Variants in RGL3 observed in about 807,000 individuals in gnomAD.
RGL3 encodes ral guanine nucleotide dissociation stimulator-like 3.
In RGL3, 85 loss-of-function variants were observed where a neutral mutation model predicts 90.6. That is an observed-to-expected ratio of 0.94 (90% confidence interval 0.79 to 1.12). The LOEUF is 1.12. Among genes scored for constraint, RGL3 ranks in the 50% most tolerant of loss-of-function variants. RGL3 has a pLI of 0.00. For missense variants in RGL3, 1,034 were observed against 939.2 expected (o/e 1.10, Z -1.32); for synonymous variants, 408 against 385.5 (o/e 1.06, Z -0.68).
Position 11,406,541 on chromosome 19 carries a change from G to A in RGL3, c.874C>T (p.Arg292Cys), listed in dbSNP as rs1305970804. The stretch of plus-strand genomic sequence containing the variant: ...GTGTTGAACTGGGCCACGGTGGCGC[G>A]CACAGTGGGGGAGGCGCCTGCAGCC... ...PGAAGASPTV[R>C]ATVAQFNTVT... Residue 292 changes from arginine to cysteine, a missense_variant, in exon 7 of 19, where the codon CGC becomes TGC. Coordinates refer to ENST00000380456, the MANE Select transcript of RGL3 (RefSeq NM_001035223.4). 2 of 1,549,826 alleles carry A rather than the reference G, an allele frequency of 1.3e-6. No homozygotes were observed. Among genetic ancestry groups the A allele is most frequent in the East Asian group, 2.4e-5 (1 of 41,192 alleles).
At chr19:11,406,301 A>G (rs1181963533) in intron 7 of RGL3, 118 bp downstream of exon 7, 14 of 1,058,078 alleles carry the variant, frequency 1.3e-5, no homozygotes, top group Non-Finnish European at 1.9e-5. Context: ...CTAGGTATCA[A>G]CTTTCCACCC....
chr19:11,418,455 T>A (rs1969041266), intron 2 of RGL3: 1 of 579,156 alleles, frequency 1.7e-6, no homozygotes, highest in Admixed American at 3.1e-5. Flanking sequence ...TCTCGGGAAC[T>A]GCGCGGCCAT....
chr19:11,414,614 C>T (rs999776151), intron 5 of RGL3, among the ~76,000 whole-genome samples: 4 of 145,876 alleles, frequency 2.7e-5, no homozygotes, highest in African/African-American at 1.0e-4. Flanking sequence ...AGGAAGGTGG[C>T]CACTATAATC....
chr19:11,413,807 G>A (rs1300953953), intron 5 of RGL3, among the ~76,000 whole-genome samples: 1 of 146,748 alleles, frequency 6.8e-6, no homozygotes, highest in South Asian at 2.1e-4. Context: ...TCAGTGGCTT[G>A]ATCTCAGCTC....
At chr19:11,402,791 C>T (rs1599433182) in intron 9 of RGL3, 85 bp from the exon 10 acceptor site, 1 of 1,163,346 alleles carries the variant, frequency 8.6e-7, no homozygotes, top group East Asian at 2.4e-5. Flanking sequence ...ATCATATATA[C>T]CCTTCATGCT....
intron 9 of RGL3, among the ~76,000 whole-genome samples, chr19:11,403,904 T>C (rs911089698): frequency 1.1e-4 from 17 of 152,142 alleles, no homozygotes; most frequent in African/African-American, 4.1e-4. Context: ...TATTTTGAGA[T>C]GGAGTCTCAC....
rs1969016517 is a variant in RGL3 at position 11,417,120 on chromosome 19, T to C, written c.148-61A>G. 6 of 1,250,538 alleles carry C rather than the reference T, an allele frequency of 4.8e-6. No homozygotes were observed. The South Asian group carries it at 8.8e-5, about 18-fold the overall frequency. 77.5% of individuals were successfully genotyped at this position (1,250,538 alleles called of 1,614,324 possible). On this transcript the variant is annotated intron_variant, in intron 2 of 18. Coordinates refer to ENST00000380456, the MANE Select transcript of RGL3 (RefSeq NM_001035223.4). ...AGTGGTCCTCACAGCACCCCTTCTC[T>C]AGTCACATTCATCACTAGCACCACT...
intron 18 of RGL3, among the ~76,000 whole-genome samples, chr19:11,394,830 C>T (rs975432727): frequency 6.6e-6 from 1 of 152,116 alleles, no homozygotes; most frequent in African/African-American, 2.4e-5. Context: ...TGCCTCGTGC[C>T]TGTAATCCCA....
At chr19:11,396,158 A>ATATATATATT (rs1568334140) in intron 18 of RGL3, among the ~76,000 whole-genome samples, 1 of 25,632 alleles carries the variant, frequency 3.9e-5, no homozygotes, top group Non-Finnish European at 6.7e-5. Context: ...ATATATATAT[A>ATATATATATT]TTTTTTTTTT....
At chr19:11,402,354 G>A (rs1480959703) in intron 11 of RGL3, 101 bp downstream of exon 11, 2 of 1,570,588 alleles carry the variant, frequency 1.3e-6, no homozygotes, top group African/African-American at 2.7e-5. Context: ...AGTGTGGGGT[G>A]GTGTCAGGAG....
At chr19:11,416,460 A>T (rs1968999946) in intron 4 of RGL3, 154 bp downstream of exon 4, 3 of 793,168 alleles carry the variant, frequency 3.8e-6, no homozygotes, top group Non-Finnish European at 6.5e-6. Flanking sequence ...CGGCCTCCCA[A>T]AGTGTTGGGA....
intron 5 of RGL3, among the ~76,000 whole-genome samples, chr19:11,408,443 G>A (rs559306562): frequency 8.5e-5 from 13 of 152,160 alleles, no homozygotes; most frequent in East Asian, 3.9e-4. Context: ...AAAATTAGCC[G>A]GGCGTGATGG....
At position 11,394,432 on chromosome 19, in the gene RGL3, G is replaced by C; in HGVS notation, c.2103C>G (p.Thr701=). Residue 701 remains threonine (T), a synonymous_variant, in exon 19 of 19, where the codon ACC becomes ACG. Transcript: ENST00000380456. The stretch of plus-strand genomic sequence containing the variant: ...TTGGGGAGACAGACAGAGTGTTCCG[G>C]GTCCCCTCTTTCCGCCGCAGCATGA... ...RDFMLRRKEG[T]RNTLSVSPS 6.2e-7 allele frequency: 1 copy of C among 1,613,864 alleles called. No individual in the cohort carries two copies. Among genetic ancestry groups the C allele is most frequent in the Non-Finnish European group, 8.5e-7 (1 of 1,179,892 alleles).
chr19:11,396,134 C>CTA (rs1568334074), intron 18 of RGL3, among the ~76,000 whole-genome samples: 220 of 29,462 alleles, frequency 7.5e-3, no homozygotes, highest in East Asian at 0.014. Context: ...CTCTCTCTCT[C>CTA]TCTATATATA....
chr19:11,413,077 C>T (rs1968899766), intron 5 of RGL3, among the ~76,000 whole-genome samples: 1 of 152,010 alleles, frequency 6.6e-6, no homozygotes, highest in South Asian at 2.1e-4. Context: ...CCTCTGACCT[C>T]AAAGAAACTA....
Position 11,405,195 on chromosome 19 carries a change from A to T in RGL3, c.1137T>A (p.Ile379=). 6.2e-7 allele frequency: 1 copy of T among 1,614,100 alleles called. No individual in the cohort carries two copies. The highest frequency in any genetic ancestry group is 1.3e-5 in the African/African-American group (1 of 75,036). ...PLSTFRKLSQ[I]FSDENNHLSS... ...TGAGGTGGTTGTTCTCATCGGAGAA[A>T]ATCTGCGAAAGTTTCCTGAAAGTAG... Residue 379 remains isoleucine, a synonymous_variant, in exon 9 of 19, where the codon ATT becomes ATA. Coordinates refer to ENST00000380456, the MANE Select transcript of RGL3 (RefSeq NM_001035223.4).
Position 11,416,615 on chromosome 19 carries a change from T to A in RGL3, c.424A>T (p.Arg142Trp). Residue 142 changes from arginine to tryptophan, a missense_variant and splice_region_variant, in exon 4 of 19, where the codon AGG (arginine) becomes TGG (tryptophan). Coordinates refer to ENST00000380456, the MANE Select transcript of RGL3 (RefSeq NM_001035223.4). ...CCCCTATCTGGATGAAGGACCCACCTCAGGTTCTTGTTGAAGCTCAGATCT... is the reference window on the plus strand; with the variant it reads ...CCCCTATCTGGATGAAGGACCCACCACAGGTTCTTGTTGAAGCTCAGATCT... ...VQDLSFNKNLRAVVSVLGSWL... is the reference protein window; with the variant it reads ...VQDLSFNKNLWAVVSVLGSWL... 6.2e-7 allele frequency: 1 copy of A among 1,614,022 alleles called. No homozygotes were observed.
chr19:11,417,644 G>A (rs1224194059), intron 2 of RGL3, among the ~76,000 whole-genome samples: 1 of 151,496 alleles, frequency 6.6e-6, no homozygotes. Flanking sequence ...TAGTTTTTTC[G>A]TATTTTTAGT....
intron 5 of RGL3, among the ~76,000 whole-genome samples, chr19:11,408,331 C>T (rs1968816491): frequency 6.6e-6 from 1 of 152,186 alleles, no homozygotes; most frequent in Admixed American, 6.5e-5. Context: ...CCTGTAATCC[C>T]AGCACTTTGG....
Sources: gnomAD v4.1 joint callset for allele counts (sites outside exome capture counted in the v4.1 genomes callset) on GRCh38, gnomAD v4.1.1 for gene constraint, MANE v1.5 for transcripts, NCBI Gene and HGNC (gene_info 2026-07-23, HGNC 2026-07-21) for gene names.